Variants in RBMS3 observed in about 807,000 individuals in gnomAD.
RBMS3 encodes RNA binding motif single stranded interacting protein 3.
A neutral mutation model predicts 66.8 loss-of-function variants in RBMS3; 27 were observed. The ratio of observed to expected loss-of-function variants is 0.40; its 90% CI spans 0.30 to 0.56. RBMS3 has a LOEUF of 0.56. Among genes scored for constraint, RBMS3 ranks in the 20% least tolerant of loss-of-function variants. The pLI is 0.40. For synonymous variants in RBMS3, 188 were observed against 183.0 expected (o/e 1.03, Z -0.22); for missense variants, 513 against 549.5 (o/e 0.93, Z 0.66).
chr3:29,316,420 T>C (rs190511219), intron 1 of RBMS3, among the ~76,000 whole-genome samples: 13 of 151,844 alleles, frequency 8.6e-5, no homozygotes, highest in Non-Finnish European at 1.8e-4. Flanking sequence ...CACTCTTCTA[T>C]GAAAAATTTT....
intron 6 of RBMS3, among the ~76,000 whole-genome samples, chr3:29,838,173 CAAAAAAAAA>C (rs71091080): frequency 1.2e-5 from 1 of 83,062 alleles, no homozygotes; most frequent in Non-Finnish European, 2.2e-5. Context: ...CTCATCTCTA[CAAAAAAAAA>C]AAAAAAAAAA....
intron 4 of RBMS3, among the ~76,000 whole-genome samples, chr3:29,598,961 A>G (rs2048055472): frequency 6.6e-6 from 1 of 152,098 alleles, no homozygotes; most frequent in African/African-American, 2.4e-5. Context: ...AGTATTAGAA[A>G]GAATAAAAAT....
chr3:29,887,953 G>C (rs2149586741), intron 8 of RBMS3, among the ~76,000 whole-genome samples: 1 of 151,792 alleles, frequency 6.6e-6, no homozygotes, highest in East Asian at 2.0e-4. Flanking sequence ...GTGAACTTTG[G>C]GCAGTGCAAT....
chr3:29,936,831 A>C (rs964881391), intron 11 of RBMS3, among the ~76,000 whole-genome samples: 12 of 152,058 alleles, frequency 7.9e-5, no homozygotes, highest in African/African-American at 2.4e-4. Flanking sequence ...TGTATCAATG[A>C]GGCATTTTAA....
chr3:29,364,198 C>A (rs890014204), intron 1 of RBMS3, among the ~76,000 whole-genome samples: 3 of 152,004 alleles, frequency 2.0e-5, no homozygotes, highest in East Asian at 3.9e-4. Context: ...TAATCGAAAA[C>A]AATTCTGCAA....
chr3:29,924,983 A>T (rs1258589844), intron 10 of RBMS3: 1 of 152,160 alleles, frequency 6.6e-6, no homozygotes, highest in Non-Finnish European at 1.5e-5. Flanking sequence ...TTTCTTTGTT[A>T]TTCTGAGAAT....
In RBMS3 at chr3:29,532,018, T is replaced by A. The variant is rs147907254; in HGVS notation, c.307+43519T>A. ...ATAACAGAAACGGAGCCGTTCTAAG[T>A]CTTAGGAGGCTTGAGTTAGCATAGT... On this transcript the variant is annotated intron_variant, in intron 3 of 14. Coordinates refer to ENST00000383767, the MANE Select transcript of RBMS3 (RefSeq NM_001003793.3). Among the ~76,000 whole-genome samples the A allele has an allele frequency of 6.6e-4, 101 of 151,976 alleles. No homozygotes were observed. The East Asian group carries it at 0.018, about 27-fold the overall frequency.
chr3:29,543,554 A>G (rs998584730), intron 3 of RBMS3, among the ~76,000 whole-genome samples: 2 of 152,048 alleles, frequency 1.3e-5, no homozygotes, highest in African/African-American at 2.4e-5. Flanking sequence ...TACTAAAAAT[A>G]CAAAAAGTAG....
In RBMS3 at chr3:29,944,225, A is replaced by G; in HGVS notation, c.1069A>G (p.Ile357Val). 1 of 1,592,484 alleles carries G rather than the reference A, an allele frequency of 6.3e-7. No homozygotes were observed. Among genetic ancestry groups the G allele is most frequent in the South Asian group, 1.1e-5 (1 of 90,658 alleles). Residue 357 changes from isoleucine to valine, a missense_variant, in exon 12 of 15, where the codon ATT becomes GTT. Transcript: ENST00000383767. Reference protein sequence around the residue: ...TTGTIQSQDRIMILHQLLCQY... With the variant: ...TTGTIQSQDRVMILHQLLCQY... Reference sequence around the variant, plus strand: ...TTCAAAGATTCAATCCCAAGACAGGATTATGATACTCCACCAGCTGTTGTG... The same window carrying G: ...TTCAAAGATTCAATCCCAAGACAGGGTTATGATACTCCACCAGCTGTTGTG...
At chr3:29,727,524 C>T (rs1353296980) in intron 4 of RBMS3, among the ~76,000 whole-genome samples, 1 of 151,970 alleles carries the variant, frequency 6.6e-6, no homozygotes, top group East Asian at 1.9e-4. Flanking sequence ...AAGAAAAAAA[C>T]AACCCTATCA....
intron 4 of RBMS3, among the ~76,000 whole-genome samples, chr3:29,654,747 G>A (rs1237940790): frequency 6.7e-6 from 1 of 148,788 alleles, no homozygotes; most frequent in Non-Finnish European, 1.5e-5. Context: ...ACATCACCAT[G>A]CCCAGTTAAT....
chr3:29,573,714 C>A (rs1005191895), intron 3 of RBMS3, among the ~76,000 whole-genome samples: 1 of 151,946 alleles, frequency 6.6e-6, no homozygotes, highest in African/African-American at 2.4e-5. Flanking sequence ...ATAAACTTCC[C>A]TCTGAGTACT....
chr3:29,387,228 T>TA (rs1289272201), intron 1 of RBMS3, among the ~76,000 whole-genome samples: 1 of 152,154 alleles, frequency 6.6e-6, no homozygotes, highest in African/African-American at 2.4e-5. Context: ...CTCCAGGTTA[T>TA]AAAAAACTAA....
intron 12 of RBMS3, among the ~76,000 whole-genome samples, chr3:29,955,211 C>A (rs867606257): frequency 1.3e-5 from 2 of 151,878 alleles, no homozygotes; most frequent in South Asian, 2.1e-4. Flanking sequence ...TATTGCCCTT[C>A]CTGCAGCTAA....
chr3:29,823,908 G>T (rs1474915164), intron 6 of RBMS3, among the ~76,000 whole-genome samples: 1 of 152,094 alleles, frequency 6.6e-6, no homozygotes, highest in Admixed American at 6.6e-5. Context: ...TACCAGAGGG[G>T]TTTAGTCATG....
At chr3:29,901,917 T>C (rs1396988441) in intron 10 of RBMS3, among the ~76,000 whole-genome samples, 1 of 151,888 alleles carries the variant, frequency 6.6e-6, no homozygotes, top group Non-Finnish European at 1.5e-5. Context: ...TGTAATAATC[T>C]TGTTGGCTGT....
intron 6 of RBMS3, among the ~76,000 whole-genome samples, chr3:29,764,777 A>C (rs1021009076): frequency 6.6e-6 from 1 of 152,042 alleles, no homozygotes; most frequent in African/African-American, 2.4e-5. Flanking sequence ...AAATCCCCAA[A>C]TGTCTGGGCA....
At chr3:29,570,839 C>T (rs1394868265) in intron 3 of RBMS3, among the ~76,000 whole-genome samples, 1 of 152,262 alleles carries the variant, frequency 6.6e-6, no homozygotes, top group East Asian at 1.9e-4. Context: ...TGGGCATATA[C>T]TCAGCAATGG....
Position 29,944,264 on chromosome 3 carries a change from TTCTAATTC to T in RBMS3, c.1098+12_1098+19del. On this transcript the variant is annotated intron_variant, in intron 12 of 14. Transcript: ENST00000383767. ...CCAGCTGTTGTGTCAGGTAGGAAAATTCTAATTCTTTTAAGACTGGATTGGAGGGGAGA... is the reference window on the plus strand; with the variant it reads ...CCAGCTGTTGTGTCAGGTAGGAAAATTTTTAAGACTGGATTGGAGGGGAGA... 1 of 1,574,838 alleles carries T rather than the reference TTCTAATTC, an allele frequency of 6.3e-7. No homozygotes were observed. Among genetic ancestry groups the T allele is most frequent in the Non-Finnish European group, 8.7e-7 (1 of 1,145,314 alleles).
Sources: gnomAD v4.1 joint callset for allele counts (sites outside exome capture counted in the v4.1 genomes callset) on GRCh38, gnomAD v4.1.1 for gene constraint, MANE v1.5 for transcripts, NCBI Gene and HGNC (gene_info 2026-07-23, HGNC 2026-07-21) for gene names.